The following MYH10 variants were observed in gnomAD, a reference collection of about 807,000 sequenced individuals.
MYH10 encodes myosin heavy chain 10.
Under a neutral mutation model 257.8 loss-of-function variants are expected in MYH10, and 55 were observed. The observed-to-expected ratio is 0.21, with a 90% CI of 0.17 to 0.27. The LOEUF (loss-of-function observed/expected upper bound fraction) is 0.27. Among genes scored for constraint, MYH10 ranks in the 10% least tolerant of loss-of-function variants. The pLI is 1.00. For synonymous variants in MYH10, 854 were observed against 921.7 expected, an observed-to-expected ratio of 0.93 and a Z score of 1.33; for missense variants, 1,631 against 2,500.6, an observed-to-expected ratio of 0.65 and a Z score of 7.42.
intron 13 of MYH10, among the ~76,000 whole-genome samples, chr17:8,544,870 A>G (rs1361266321): frequency 6.6e-6 from 1 of 152,206 alleles, no homozygotes; most frequent in African/African-American, 2.4e-5. Context: ...AACCCTGGTT[A>G]TATCTGCAGT....
intron 2 of MYH10, among the ~76,000 whole-genome samples, chr17:8,608,774 C>G (rs1309569113): frequency 6.6e-6 from 1 of 152,192 alleles, no homozygotes; most frequent in African/African-American, 2.4e-5. Flanking sequence ...ACCACTCTGC[C>G]TGGAATGCCC....
intron 25 of MYH10, 81 bp downstream of exon 25, chr17:8,509,731 C>G: frequency 1.5e-6 from 2 of 1,321,974 alleles, no homozygotes; most frequent in Non-Finnish European, 2.0e-6. Flanking sequence ...TTTGAGTTCA[C>G]TTTCAATGAG....
chr17:8,539,927 T>C (rs544719478), intron 14 of MYH10, among the ~76,000 whole-genome samples: 2 of 152,276 alleles, frequency 1.3e-5, no homozygotes, highest in South Asian at 4.1e-4. Context: ...ACCACCACAA[T>C]ATTTACACAT....
rs1567791250 is a variant in MYH10 at position 8,493,020 on chromosome 17, G to A, written c.4214C>T (p.Ala1405Val). The part of the protein sequence containing the change: ...KQVLALQSQL[A>V]DTKKKVDDDL... ...GTCATCTACTTTCTTCTTGGTATCA[G>A]CCAACTAGGTTTTGTGTACGGACAA... Residue 1405 changes from alanine to valine, a missense_variant, in exon 33 of 43, where the codon GCT becomes GTT. Physicochemically the swap from Ala to Val is moderately conservative, Grantham distance 64. Around this residue, in one of 11 missense-constraint regions of MYH10, gnomAD observed 463 missense variants for 621.8 expected, o/e 0.74. Coordinates refer to ENST00000360416, the MANE Select transcript of MYH10 (RefSeq NM_001256012.3). 2.5e-6 allele frequency: 4 copies of A among 1,612,866 alleles called. No individual in the cohort carries two copies. The highest frequency in any genetic ancestry group is 1.1e-5 in the South Asian group (1 of 90,950).
At chr17:8,509,385 C>T (rs926118489) in intron 25 of MYH10, among the ~76,000 whole-genome samples, 2 of 152,170 alleles carry the variant, frequency 1.3e-5, no homozygotes, top group Admixed American at 1.3e-4. Context: ...ATGCATTTCC[C>T]AGAATGTGTC....
intron 37 of MYH10, among the ~76,000 whole-genome samples, chr17:8,482,274 G>A (rs776030801): frequency 6.6e-6 from 1 of 152,200 alleles, no homozygotes; most frequent in African/African-American, 2.4e-5. Flanking sequence ...TGCCACATTT[G>A]GCAAGAGCAC....
rs933515090 is a variant in MYH10, at chr17:8,559,832, C to A, written c.757-5814G>T. Among the ~76,000 whole-genome samples the A allele has an allele frequency of 6.7e-4, 102 of 152,250 alleles. 1 individual carries two copies. The highest frequency in any genetic ancestry group is 3.4e-3 in the Middle Eastern group (1 of 294). On this transcript the variant is annotated intron_variant, in intron 7 of 42. Transcript: ENST00000360416. ...TTATACTGATGGTTAAAATTCTCCA[C>A]AAATAATTTTAAACAGCTGTATTAT...
At position 8,475,580 on chromosome 17, in the gene MYH10, C is replaced by G; in HGVS notation, c.*224G>C. On this transcript the variant is annotated 3_prime_UTR_variant, in exon 43 of 43. Transcript: ENST00000360416. ...ATGGAAAATAGATGCAATGATGAAA[C>G]AATCTGTTTAATATATGTGTCCTGT... is the stretch of plus-strand genomic sequence containing the variant. The G allele has an allele frequency of 2.1e-6, 1 of 481,080 alleles. No homozygotes were observed. The highest frequency in any genetic ancestry group is 3.6e-6 in the Non-Finnish European group (1 of 274,380). The allele number at this position is 481,080 out of a possible 1,614,324, so 29.8% of individuals were successfully genotyped here.
intron 7 of MYH10, among the ~76,000 whole-genome samples, chr17:8,567,812 G>A (rs561552356): frequency 1.3e-5 from 2 of 152,272 alleles, no homozygotes; most frequent in South Asian, 4.1e-4. Flanking sequence ...TAATTTTAGA[G>A]CACTGAGATA....
At chr17:8,584,622 C>T (rs530122032) in intron 4 of MYH10, among the ~76,000 whole-genome samples, 1 of 152,258 alleles carries the variant, frequency 6.6e-6, no homozygotes, top group South Asian at 2.1e-4. Flanking sequence ...GTCTAGAGCA[C>T]ACTTAACAGG....
intron 3 of MYH10, among the ~76,000 whole-genome samples, chr17:8,604,463 T>C (rs1280813872): frequency 6.6e-6 from 1 of 152,224 alleles, no homozygotes; most frequent in Non-Finnish European, 1.5e-5. Flanking sequence ...ACAATTTTTC[T>C]TTCCCCAGTG....
chr17:8,560,912 G>A (rs915836344), intron 7 of MYH10: 7 of 488,406 alleles, frequency 1.4e-5, no homozygotes, highest in Non-Finnish European at 1.9e-5. Flanking sequence ...CTCTGGGTCC[G>A]GGAATGGTGA....
At chr17:8,602,579 C>G (rs984336921) in intron 3 of MYH10, among the ~76,000 whole-genome samples, 1 of 152,194 alleles carries the variant, frequency 6.6e-6, no homozygotes, top group Non-Finnish European at 1.5e-5. Context: ...CCCCTACTTA[C>G]AAAATCAAAT....
At position 8,506,560 on chromosome 17, in the gene MYH10, A is replaced by G; in HGVS notation, c.3215-71T>C. On this transcript the variant is annotated intron_variant, in intron 26 of 42. Coordinates refer to ENST00000360416, the MANE Select transcript of MYH10 (RefSeq NM_001256012.3). This position sits in a 1 kb window ranked among gnomAD's most constrained non-coding sequence, Gnocchi z 5.0. ...ACCACAGGAATAAACTAAAATACAG[A>G]CTGATCCAAGTTGAAAATAAGCCAT... The G allele has an allele frequency of 1.3e-6, 2 of 1,497,692 alleles. No homozygotes were observed. Among genetic ancestry groups the G allele is most frequent in the Non-Finnish European group, 1.8e-6 (2 of 1,103,734 alleles). The allele number at this position is 1,497,692 out of a possible 1,614,324, so 92.8% of individuals were successfully genotyped here.
intron 13 of MYH10, among the ~76,000 whole-genome samples, chr17:8,544,982 C>T (rs2082399846): frequency 6.6e-6 from 1 of 152,180 alleles, no homozygotes; most frequent in Non-Finnish European, 1.5e-5. Flanking sequence ...CTACAGTGGC[C>T]CCCTTGATGG....
rs992283020 is a variant in MYH10 at position 8,520,814 on chromosome 17, CT to C, written c.2273+63del. The C allele has an allele frequency of 4.0e-6, 6 of 1,493,506 alleles. No individual in the cohort carries two copies. In the African/African-American group the frequency reaches 7.0e-5, roughly 18 times the overall value. The allele number at this position is 1,493,506 out of a possible 1,614,324, so 92.5% of individuals were successfully genotyped here. The stretch of plus-strand genomic sequence containing the variant: ...GGAAAAAGATTTCCTTATTTTATCA[CT>C]GTTTTAATTCATATCAAGATAAACT... On this transcript the variant is annotated intron_variant, in intron 19 of 42. Coordinates refer to ENST00000360416, the MANE Select transcript of MYH10 (RefSeq NM_001256012.3).
In MYH10 at chr17:8,493,138, T is replaced by C. The variant is rs185746603; in HGVS notation, c.4210-114A>G. The C allele has an allele frequency of 2.7e-3, 3,204 of 1,187,882 alleles. 64 individuals carry two copies. In the African/African-American group the frequency reaches 0.044, roughly 16 times the overall value. 73.6% of individuals were successfully genotyped at this position (1,187,882 alleles called of 1,614,324 possible). ...ACTTTGGGAGGCCGAGGCGGCAGGATCACTTGAGGTCAGGAGTTTGAGACC... is the reference window on the plus strand; with the variant it reads ...ACTTTGGGAGGCCGAGGCGGCAGGACCACTTGAGGTCAGGAGTTTGAGACC... On this transcript the variant is annotated intron_variant, in intron 32 of 42. Transcript: ENST00000360416.
intron 7 of MYH10, among the ~76,000 whole-genome samples, chr17:8,560,294 T>C (rs1172668190): frequency 6.6e-6 from 1 of 152,222 alleles, no homozygotes; most frequent in African/African-American, 2.4e-5. Flanking sequence ...AATACACAGA[T>C]AACTTTGAAT....
chr17:8,598,159 C>T (rs1302974327), intron 3 of MYH10, among the ~76,000 whole-genome samples: 1 of 152,126 alleles, frequency 6.6e-6, no homozygotes, highest in Non-Finnish European at 1.5e-5. Context: ...ATTTGACAGA[C>T]CTGACCACTA....
Sources: allele counts gnomAD v4.1 joint callset (sites outside exome capture counted in the v4.1 genomes callset), GRCh38; gene constraint gnomAD v4.1.1; regional missense constraint gnomAD v4.1.1; non-coding constraint Gnocchi (gnomAD v3.1); transcripts MANE v1.5; gene names NCBI Gene and HGNC (gene_info 2026-07-23, HGNC 2026-07-21).